RAB27A: variants seen among roughly 807,000 people sequenced by gnomAD.
RAB27A encodes the protein ras-related protein Rab-27A.
In RAB27A, 17 loss-of-function variants were observed where a neutral mutation model predicts 20.8. The ratio of observed to expected loss-of-function variants is 0.82; its 90% CI spans 0.56 to 1.23. The LOEUF (loss-of-function observed/expected upper bound fraction) is 1.23, where lower values mean the gene tolerates loss of function less well. Ranked by LOEUF, RAB27A falls within the 50% of genes most tolerant of loss-of-function variation. The pLI, the probability that RAB27A is intolerant of heterozygous loss-of-function variation, is 0.00. For synonymous variants in RAB27A, 85 were observed against 92.8 expected (o/e 0.92, Z 0.48); for missense variants, 277 against 266.7 (o/e 1.04, Z -0.27).
intron 1 of RAB27A, among the ~76,000 whole-genome samples, chr15:55,315,962 G>A (rs1046899205): frequency 3.3e-5 from 5 of 152,072 alleles, no homozygotes; most frequent in African/African-American, 4.8e-5. Context: ...GGCCAGGCGC[G>A]GTGGCTCATG....
intron 1 of RAB27A, among the ~76,000 whole-genome samples, chr15:55,271,508 T>C (rs1897703929): frequency 6.6e-6 from 1 of 152,208 alleles, no homozygotes; most frequent in Non-Finnish European, 1.5e-5. Flanking sequence ...CAAGTTCTGT[T>C]CACTAAGAGA....
intron 2 of RAB27A, among the ~76,000 whole-genome samples, chr15:55,309,612 C>G (rs547783758): frequency 6.6e-6 from 1 of 152,210 alleles, no homozygotes; most frequent in South Asian, 2.1e-4. Context: ...TCTTCAAAGG[C>G]AAACAAGAAT....
At chr15:55,207,522 AC>A (rs1894709367) in intron 6 of RAB27A, among the ~76,000 whole-genome samples, 1 of 152,056 alleles carries the variant, frequency 6.6e-6, no homozygotes, top group African/African-American at 2.4e-5. Flanking sequence ...ATATTCAGAA[AC>A]CCTGTGCTGG....
At chr15:55,296,062 GT>G (rs1470800565) in intron 2 of RAB27A, among the ~76,000 whole-genome samples, 2 of 151,230 alleles carry the variant, frequency 1.3e-5, no homozygotes, top group African/African-American at 4.8e-5. Context: ...ATGCCCAGTT[GT>G]TTTTGTATTT....
intron 2 of RAB27A, among the ~76,000 whole-genome samples, chr15:55,254,293 TAA>T (rs1351772072): frequency 6.6e-6 from 1 of 152,074 alleles, no homozygotes; most frequent in East Asian, 1.9e-4. Context: ...GCTTATCACA[TAA>T]AAAATATAAT....
At position 55,203,081 on chromosome 15, in the gene RAB27A, A is replaced by G. The variant is rs904466282; in HGVS notation, c.*2426T>C. The G allele has an allele frequency of 6.6e-6, 1 of 152,244 alleles. No homozygotes were observed. Among genetic ancestry groups the G allele is most frequent in the Non-Finnish European group, 1.5e-5 (1 of 68,046 alleles). 9.4% of individuals were successfully genotyped at this position (152,244 alleles called of 1,614,324 possible). On this transcript the variant is annotated 3_prime_UTR_variant, in exon 7 of 7. Coordinates refer to ENST00000336787, the MANE Select transcript of RAB27A (RefSeq NM_183235.3). The stretch of plus-strand genomic sequence containing the variant: ...AAAAATACATTGATGCACAAAAAAT[A>G]TAGTACTTCAATACCAAACTTAAAT...
chr15:55,299,019 A>G (rs989836603), intron 2 of RAB27A, among the ~76,000 whole-genome samples: 4 of 152,164 alleles, frequency 2.6e-5, no homozygotes, highest in Admixed American at 2.6e-4. Context: ...TGTGCAGTTA[A>G]TGCAATTATT....
At chr15:55,302,744 G>A (rs1248606667) in intron 2 of RAB27A, among the ~76,000 whole-genome samples, 5 of 123,426 alleles carry the variant, frequency 4.1e-5, no homozygotes, top group Admixed American at 7.6e-5. Flanking sequence ...TGGGATGTGA[G>A]GAGCACCTCT....
intron 6 of RAB27A, among the ~76,000 whole-genome samples, chr15:55,213,553 G>T (rs891460834): frequency 1.4e-4 from 22 of 152,214 alleles, no homozygotes; most frequent in Admixed American, 3.3e-4. Flanking sequence ...CAGGGGGCCA[G>T]CGAGCAAGCC....
At chr15:55,316,015 C>T (rs1373837006) in intron 1 of RAB27A, among the ~76,000 whole-genome samples, 1 of 152,134 alleles carries the variant, frequency 6.6e-6, no homozygotes, top group Non-Finnish European at 1.5e-5. Context: ...AGGTGGATCA[C>T]GAGGTCAGCA....
At chr15:55,223,080 G>A (rs147641734) in intron 6 of RAB27A, among the ~76,000 whole-genome samples, 13 of 152,092 alleles carry the variant, frequency 8.5e-5, no homozygotes, top group Non-Finnish European at 1.8e-4. Context: ...CAAGACCATA[G>A]ACTAAGCCAA....
intron 1 of RAB27A, among the ~76,000 whole-genome samples, chr15:55,318,199 G>A (rs2055073846): frequency 1.3e-5 from 2 of 149,684 alleles, no homozygotes; most frequent in South Asian, 4.2e-4. Context: ...CTCGGTTAAC[G>A]CCATTCTCCT....
chr15:55,213,103 CT>C (rs1335017280), intron 6 of RAB27A, among the ~76,000 whole-genome samples: 1 of 152,168 alleles, frequency 6.6e-6, no homozygotes, highest in Non-Finnish European at 1.5e-5. Context: ...ATTGCCACCA[CT>C]TGTGAGGAAT....
intron 2 of RAB27A, among the ~76,000 whole-genome samples, chr15:55,295,349 A>G (rs1483879261): frequency 6.6e-6 from 1 of 152,220 alleles, no homozygotes. Flanking sequence ...TCCTAGAACT[A>G]TGCCTAAAAG....
At chr15:55,235,758 A>C (rs543766897) in intron 2 of RAB27A, among the ~76,000 whole-genome samples, 6 of 152,192 alleles carry the variant, frequency 3.9e-5, no homozygotes, top group Non-Finnish European at 7.4e-5. Flanking sequence ...CAATGAGTAG[A>C]TAAAGAAATT....
intron 2 of RAB27A, among the ~76,000 whole-genome samples, chr15:55,313,283 T>C (rs1033447105): frequency 4.6e-5 from 7 of 152,078 alleles, no homozygotes; most frequent in Admixed American, 3.3e-4. Context: ...CCAGATGTAG[T>C]TGTGTACAAC....
rs144809029 is a variant in RAB27A, at chr15:55,217,708, T to C, written c.467+6181A>G. Among the ~76,000 whole-genome samples, 25 of 140,030 alleles carry C rather than the reference T, an allele frequency of 1.8e-4. 1 individual carries two copies. The highest frequency in any genetic ancestry group is 6.9e-4 in the African/African-American group (25 of 36,158). 91.9% of individuals were successfully genotyped at this position (140,030 alleles called of 152,430 possible). A position where few individuals can be genotyped will look rare whatever the true frequency, so the allele number is the denominator to read the frequency against. On this transcript the variant is annotated intron_variant, in intron 6 of 6. Coordinates refer to ENST00000336787, the MANE Select transcript of RAB27A (RefSeq NM_183235.3). ...AAAAAAAAAAAAATTCAAGAGGATG[T>C]ATTGTTCCCATTTTAACCATAGAAA...
At chr15:55,222,605 G>C (rs1197510867) in intron 6 of RAB27A, among the ~76,000 whole-genome samples, 7 of 151,998 alleles carry the variant, frequency 4.6e-5, no homozygotes, top group African/African-American at 1.7e-4. Flanking sequence ...CTTCCTACCT[G>C]GCCAACCTAT....
chr15:55,284,598 G>A (rs758896489), intron 1 of RAB27A, among the ~76,000 whole-genome samples: 16 of 152,216 alleles, frequency 1.1e-4, no homozygotes, highest in Non-Finnish European at 2.2e-4. Flanking sequence ...AATGGCTTTG[G>A]CTGCCACATG....
Sources: allele counts gnomAD v4.1 joint callset (sites outside exome capture counted in the v4.1 genomes callset), GRCh38; gene constraint gnomAD v4.1.1; transcripts MANE v1.5; gene names NCBI Gene and HGNC (gene_info 2026-07-23, HGNC 2026-07-21).